GTPBP6: variants seen among roughly 807,000 people sequenced by gnomAD.
The protein encoded by GTPBP6 is GTP binding protein 6.
GTPBP6 carries 33 observed loss-of-function variants against 28.9 expected under a neutral mutation model. The ratio of observed to expected loss-of-function variants is 1.14; its 90% CI spans 0.87 to 1.53. The LOEUF (loss-of-function observed/expected upper bound fraction) is 1.53. Ranked by LOEUF, GTPBP6 falls within the 40% of genes most tolerant of loss-of-function variation. The probability of loss-of-function intolerance (pLI) is 0.00; values close to 1 mark genes in which losing one functional copy is unlikely to be tolerated. For missense variants in GTPBP6, 507 were observed against 408.3 expected (o/e 1.24, Z -2.08); for synonymous variants, 231 against 192.7 (o/e 1.20, Z -1.65).
rs1221227899 is a variant in GTPBP6, at chrX:316,301, GAC to G, written c.487+611_487+612del. Reference sequence around the variant, plus strand: ...CAGTAAATACATCCCGACAGGGACAGACACACACACACATGCACCGTGGACAC... The same window carrying G: ...CAGTAAATACATCCCGACAGGGACAGACACACACACATGCACCGTGGACAC... On this transcript the variant is annotated intron_variant, in intron 2 of 9. Transcript: ENST00000326153. Among the ~76,000 whole-genome samples, 11 of 16,096 alleles carry G rather than the reference GAC, an allele frequency of 6.8e-4. 3 individuals are homozygous for G. The highest frequency in any genetic ancestry group is 8.5e-4 in the Non-Finnish European group (5 of 5,870). 10.6% of individuals were successfully genotyped at this position (16,096 alleles called of 152,430 possible).
intron 7 of GTPBP6, among the ~76,000 whole-genome samples, chrX:311,071 G>T (rs2070277682): frequency 6.6e-6 from 1 of 152,122 alleles, no homozygotes; most frequent in Non-Finnish European, 1.5e-5. Context: ...CAAGAACATG[G>T]CCCTGAGTGT....
exon 6 of GTPBP6, chrX:312,822 C>A (rs746776931): frequency 1.2e-6 from 2 of 1,612,638 alleles, no homozygotes; most frequent in African/African-American, 2.7e-5. Context: ...CGTCCGCTGC[C>A]GGCGGAGCAG....
exon 4 of GTPBP6, chrX:315,020 T>C: frequency 2.5e-6 from 1 of 398,664 alleles, no homozygotes; most frequent in Non-Finnish European, 4.4e-6. Flanking sequence ...TCCAGTTCTT[T>C]CTGCAAAAGG....
intron 4 of GTPBP6, among the ~76,000 whole-genome samples, chrX:314,662 C>G (rs148203472): frequency 0.7 from 105,882 of 151,380 alleles, 37,257 homozygotes; most frequent in African/African-American, 0.75. Flanking sequence ...ATTTTTAGTA[C>G]AGACGGGGTT....
chrX:313,101 C>T (rs777146865), intron 5 of GTPBP6, among the ~76,000 whole-genome samples, 177 bp from the exon 6 acceptor site: 1 of 152,332 alleles, frequency 6.6e-6, no homozygotes, highest in African/African-American at 2.4e-5. Context: ...AAGGGCTCTG[C>T]TCGGCGGAAC....
chrX:317,563 G>GGGGGT (rs1245988113), intron 1 of GTPBP6, among the ~76,000 whole-genome samples: 2,784 of 82,094 alleles, frequency 0.034, 91 homozygotes, highest in African/African-American at 0.14. Context: ...CCTGGGGGGT[G>GGGGGT]GGGGGTGGGA....
intron 7 of GTPBP6, among the ~76,000 whole-genome samples, chrX:308,517 G>T (rs1326706348): frequency 6.6e-6 from 1 of 151,952 alleles, no homozygotes; most frequent in Admixed American, 6.6e-5. Flanking sequence ...CGTTTCTACA[G>T]AAAGTACAAA....
At chrX:305,328 T>TG (rs1337824304) in intron 9 of GTPBP6, 131 bp from the exon 10 acceptor site, 58 of 741,308 alleles carry the variant, frequency 7.8e-5, no homozygotes, top group Non-Finnish European at 1.1e-4. Flanking sequence ...CCTTTTGTTT[T>TG]TTTTTTTTTT....
At chrX:314,914 G>A (rs1293716925) in exon 4 of GTPBP6, 7 of 398,636 alleles carry the variant, frequency 1.8e-5, no homozygotes, top group Non-Finnish European at 3.1e-5. Flanking sequence ...CTCCGCCAGG[G>A]CCACCTGAAG....
chrX:305,097 A>G, exon 10 of GTPBP6: 1 of 1,613,180 alleles, frequency 6.2e-7, no homozygotes, highest in Non-Finnish European at 8.5e-7. Flanking sequence ...AGCTTCCGGA[A>G]TTTGCCGTAG....
At chrX:314,287 G>A in intron 4 of GTPBP6, 70 bp from the exon 5 acceptor site, 1 of 1,280,828 alleles carries the variant, frequency 7.8e-7, no homozygotes, top group Non-Finnish European at 1.1e-6. Context: ...TCGAGGTGAA[G>A]GTGAAGGGGG....
intron 6 of GTPBP6, 90 bp downstream of exon 6, chrX:312,676 A>T: frequency 1.5e-6 from 2 of 1,323,924 alleles, no homozygotes; most frequent in Non-Finnish European, 2.1e-6. Flanking sequence ...GGCACCACTG[A>T]GACGACAGGG....
Position 314,085 on chromosome X carries a change from G to A in GTPBP6, c.757+65C>T, listed in dbSNP as rs1352365575. The A allele has an allele frequency of 1.2e-5, 14 of 1,130,120 alleles. No individual in the cohort carries two copies. The South Asian group carries it at 1.8e-4, about 14-fold the overall frequency. The allele number at this position is 1,130,120 out of a possible 1,614,324, so 70.0% of individuals were successfully genotyped here. A position where few individuals can be genotyped will look rare whatever the true frequency, so the allele number is the denominator to read the frequency against. On this transcript the variant is annotated intron_variant, in intron 5 of 9. Coordinates refer to ENST00000326153, the Ensembl canonical transcript of GTPBP6. ...TGTTGGAATCTTCCAGGGCTGAGAA[G>A]GGTGGCTGCCGCTGACAACCGCATT...
intron 6 of GTPBP6, 25 bp downstream of exon 6, chrX:312,741 G>C: frequency 6.3e-7 from 1 of 1,586,184 alleles, no homozygotes; most frequent in Non-Finnish European, 8.6e-7. Flanking sequence ...ACCGCGGAAG[G>C]CCCCTCCCCT....
intron 4 of GTPBP6, among the ~76,000 whole-genome samples, 165 bp downstream of exon 4, chrX:314,725 C>G (rs1299121889): frequency 1.3e-5 from 2 of 152,150 alleles, no homozygotes; most frequent in African/African-American, 2.4e-5. Flanking sequence ...ATCCGCCCAC[C>G]TCGGCCTCCC....
chrX:311,907 G>C, intron 6 of GTPBP6: 2 of 597,594 alleles, frequency 3.3e-6, no homozygotes, highest in South Asian at 3.9e-5. Context: ...GAGTGAGGTC[G>C]TCTGTGTAGA....
exon 10 of GTPBP6, chrX:304,938 T>G (rs2070121517): frequency 6.8e-7 from 1 of 1,468,178 alleles, no homozygotes; most frequent in Non-Finnish European, 9.0e-7. Context: ...AGCAAATGGC[T>G]GGGAGCGAGA....
chrX:309,540 G>A (rs1394731974), intron 7 of GTPBP6, among the ~76,000 whole-genome samples: 1 of 152,174 alleles, frequency 6.6e-6, no homozygotes, highest in Admixed American at 6.5e-5. Flanking sequence ...TGCAGATGTA[G>A]TTAAGATGAG....
intron 9 of GTPBP6, among the ~76,000 whole-genome samples, chrX:306,832 G>A (rs756933885): frequency 7.3e-5 from 11 of 150,574 alleles, no homozygotes; most frequent in African/African-American, 2.2e-4. Flanking sequence ...AGTCAGAAAT[G>A]TATATTTTGA....
Sources: allele counts gnomAD v4.1 joint callset (sites outside exome capture counted in the v4.1 genomes callset), GRCh38; gene constraint gnomAD v4.1.1; transcripts MANE v1.5; gene names NCBI Gene and HGNC (gene_info 2026-07-23, HGNC 2026-07-21).